INTS7: variants seen among roughly 807,000 people sequenced by gnomAD.
INTS7 encodes chromosome 1 open reading frame 73.
INTS7 carries 46 observed loss-of-function variants against 109.2 expected under a neutral mutation model. The observed-to-expected ratio is 0.42, with a 90% CI of 0.33 to 0.54. The LOEUF (loss-of-function observed/expected upper bound fraction) is 0.54, where lower values mean the gene tolerates loss of function less well. Among genes scored for constraint, INTS7 ranks in the 20% least tolerant of loss-of-function variants. The pLI, the probability that INTS7 is intolerant of heterozygous loss-of-function variation, is 0.07. For synonymous variants in INTS7, 412 were observed against 402.9 expected (o/e 1.02, Z -0.27); for missense variants, 929 against 1,132.4 (o/e 0.82, Z 2.58).
At chr1:211,973,870 C>G (rs1664283868) in intron 13 of INTS7, among the ~76,000 whole-genome samples, 1 of 152,142 alleles carries the variant, frequency 6.6e-6, no homozygotes, top group South Asian at 2.1e-4. Flanking sequence ...AGGAGAATAT[C>G]TGAGGCCCAA....
chr1:212,001,744 G>A (rs1315822689), intron 7 of INTS7, among the ~76,000 whole-genome samples: 3 of 152,164 alleles, frequency 2.0e-5, no homozygotes, highest in African/African-American at 2.4e-5. Flanking sequence ...TTATCTTGGC[G>A]AATATGGCTG....
At chr1:211,975,423 G>T in intron 12 of INTS7, 51 bp from the exon 13 acceptor site, 1 of 1,397,162 alleles carries the variant, frequency 7.2e-7, no homozygotes, top group Non-Finnish European at 1.0e-6. Flanking sequence ...ACACGGTGAG[G>T]TTCTTACATT....
chr1:211,964,309 C>T (rs540371166), intron 16 of INTS7, among the ~76,000 whole-genome samples: 3 of 151,862 alleles, frequency 2.0e-5, no homozygotes, highest in Admixed American at 6.6e-5. Flanking sequence ...CACTGCTCAA[C>T]GAAATCAAAG....
chr1:212,013,865 G>C (rs1382874516), intron 4 of INTS7, among the ~76,000 whole-genome samples: 1 of 152,130 alleles, frequency 6.6e-6, no homozygotes, highest in Non-Finnish European at 1.5e-5. Context: ...CTAGATTTGT[G>C]TAAGTCCTCT....
At position 211,964,163 on chromosome 1, in the gene INTS7, T is replaced by TA. The variant is rs561241254; in HGVS notation, c.2183+2266dup. Among the ~76,000 whole-genome samples, 1,032 of 152,070 alleles carry TA rather than the reference T, an allele frequency of 6.8e-3. 15 individuals are homozygous for TA. The highest frequency in any genetic ancestry group is 0.023 in the African/African-American group (960 of 41,474). ...AAAGATCCAGGATACAAAATCAATA[T>TA]AAAAAATCACTAGTATTCCTATATA... On this transcript the variant is annotated intron_variant, in intron 16 of 19. Transcript: ENST00000366994.
Position 211,966,422 on chromosome 1 carries a change from A to T in INTS7, c.2183+8T>A. 1.3e-6 allele frequency: 2 copies of T among 1,491,004 alleles called. No homozygotes were observed. Among genetic ancestry groups the T allele is most frequent in the Non-Finnish European group, 1.9e-6 (2 of 1,069,542 alleles). The allele number at this position is 1,491,004 out of a possible 1,614,324, so 92.4% of individuals were successfully genotyped here. A position where few individuals can be genotyped will look rare whatever the true frequency, so the allele number is the denominator to read the frequency against. ...TGTAACGCCAACTATTATTAATATT[A>T]GAATTACCTTGCTGATTCTGGATCC... On this transcript the variant is annotated splice_region_variant and intron_variant, in intron 16 of 19. Coordinates refer to ENST00000366994, the MANE Select transcript of INTS7 (RefSeq NM_015434.4).
chr1:211,949,295 C>A (rs1016293117), intron 17 of INTS7, among the ~76,000 whole-genome samples: 1 of 152,208 alleles, frequency 6.6e-6, no homozygotes, highest in Non-Finnish European at 1.5e-5. Flanking sequence ...ACCTTATATG[C>A]ATCCCAGCCC....
At position 211,952,415 on chromosome 1, in the gene INTS7, A is replaced by G. The variant is rs1186706273; in HGVS notation, c.2316+154T>C. On this transcript the variant is annotated intron_variant, in intron 17 of 19. Transcript: ENST00000366994. ...TCATGGATTATCTCATTTACTCCCC[A>G]CTACAATGCTGTGAGGTAGGTATTA... The G allele has an allele frequency of 1.6e-5, 10 of 609,590 alleles. No individual in the cohort carries two copies. In the Admixed American group the frequency reaches 2.0e-4, roughly 12 times the overall value. The allele number at this position is 609,590 out of a possible 1,614,324, so 37.8% of individuals were successfully genotyped here.
intron 9 of INTS7, among the ~76,000 whole-genome samples, chr1:211,982,066 G>T (rs1164640107): frequency 1.3e-5 from 2 of 152,168 alleles, no homozygotes. Flanking sequence ...AATCCTTAAT[G>T]AAGATCAAAA....
At chr1:211,958,122 G>A (rs928537750) in intron 16 of INTS7, among the ~76,000 whole-genome samples, 7 of 149,832 alleles carry the variant, frequency 4.7e-5, no homozygotes, top group Admixed American at 4.7e-4. Flanking sequence ...ACTCAGTTTT[G>A]TAGGTCTGAG....
chr1:212,021,175 T>G lies in INTS7; in HGVS notation c.132A>C (p.Ala44=), dbSNP rs755793418. Residue 44 remains alanine (A), a synonymous_variant, in exon 2 of 20, where the codon GCA becomes GCC. Transcript: ENST00000366994. ...RSGKLGEQCE[A]VVRFPRLFQK... ...GAAAAAGTCTGGGAAAGCGAACAACTGCTTCACACTGTTCACCAAGTTTGC... is the reference window on the plus strand; with the variant it reads ...GAAAAAGTCTGGGAAAGCGAACAACGGCTTCACACTGTTCACCAAGTTTGC... 1 of 1,612,688 alleles carries G rather than the reference T, an allele frequency of 6.2e-7. No homozygotes were observed. Among genetic ancestry groups the G allele is most frequent in the South Asian group, 1.1e-5 (1 of 90,878 alleles).
In INTS7 at chr1:211,941,503, G is replaced by A. The variant is rs1279319190; in HGVS notation, c.*321C>T. The A allele has an allele frequency of 2.5e-5, 6 of 243,768 alleles. No individual in the cohort carries two copies. Among genetic ancestry groups the A allele is most frequent in the Admixed American group, 5.2e-5 (1 of 19,168 alleles). The allele number at this position is 243,768 out of a possible 1,614,324, so 15.1% of individuals were successfully genotyped here. ...CTCCCAAGTAGCTGGGACTACAGGC[G>A]CCTGCCACCATGCTTGGCTAATTTT... On this transcript the variant is annotated 3_prime_UTR_variant, in exon 20 of 20. Transcript: ENST00000366994.
At chr1:211,987,512 T>A (rs1036506730) in intron 8 of INTS7, among the ~76,000 whole-genome samples, 1 of 152,164 alleles carries the variant, frequency 6.6e-6, no homozygotes, top group African/African-American at 2.4e-5. Flanking sequence ...AGGAAGCATA[T>A]GACATTTGCT....
chr1:211,993,444 C>T (rs1472214284), intron 7 of INTS7, among the ~76,000 whole-genome samples: 1 of 152,142 alleles, frequency 6.6e-6, no homozygotes, highest in African/African-American at 2.4e-5. Flanking sequence ...CTTTGGGAGG[C>T]CAAGGCGGGT....
At chr1:211,977,141 G>A (rs1285559155) in intron 11 of INTS7, among the ~76,000 whole-genome samples, 1 of 152,116 alleles carries the variant, frequency 6.6e-6, no homozygotes, top group Non-Finnish European at 1.5e-5. Context: ...ATACACTTTG[G>A]TAGTAAAAGA....
intron 16 of INTS7, among the ~76,000 whole-genome samples, chr1:211,961,073 A>G (rs1414631011): frequency 6.6e-6 from 1 of 152,000 alleles, no homozygotes; most frequent in African/African-American, 2.4e-5. Context: ...ACCTCCGAGA[A>G]ATATGGGATT....
intron 13 of INTS7, among the ~76,000 whole-genome samples, chr1:211,970,639 C>T (rs1664128862): frequency 6.6e-6 from 1 of 151,976 alleles, no homozygotes; most frequent in Non-Finnish European, 1.5e-5. Flanking sequence ...GGAAAATGAG[C>T]AAAAATCTTC....
rs544980867 is a variant in INTS7 at position 211,992,553 on chromosome 1, C to T, written c.880-4550G>A. Among the ~76,000 whole-genome samples the T allele has an allele frequency of 2.9e-4, 44 of 152,056 alleles. 1 individual carries two copies. The highest frequency in any genetic ancestry group is 8.4e-4 in the African/African-American group (35 of 41,456). On this transcript the variant is annotated intron_variant, in intron 7 of 19. Transcript: ENST00000366994. ...TAAAAATTATCTAGGTGTGGTGGGGCGCATCTGTAGTCCTAGCTACTTGGG... is the reference window on the plus strand; with the variant it reads ...TAAAAATTATCTAGGTGTGGTGGGGTGCATCTGTAGTCCTAGCTACTTGGG...
intron 16 of INTS7, among the ~76,000 whole-genome samples, chr1:211,960,544 G>C (rs1663574355): frequency 6.6e-6 from 1 of 152,086 alleles, no homozygotes; most frequent in Non-Finnish European, 1.5e-5. Flanking sequence ...CCCAATCCAA[G>C]GAAGCTAAGA....
Sources: allele counts gnomAD v4.1 joint callset (sites outside exome capture counted in the v4.1 genomes callset), GRCh38; gene constraint gnomAD v4.1.1; transcripts MANE v1.5; gene names NCBI Gene and HGNC (gene_info 2026-07-23, HGNC 2026-07-21).